The following SHC4 variants were observed in gnomAD, a reference collection of about 807,000 sequenced individuals.
SHC4 encodes the protein SHC adaptor protein 4.
Under a neutral mutation model 69.4 loss-of-function variants are expected in SHC4, and 41 were observed. That is an observed-to-expected ratio of 0.59 (90% CI 0.46 to 0.77). The LOEUF (loss-of-function observed/expected upper bound fraction) is 0.77. SHC4 is among the 30% of genes least tolerant of loss of function. SHC4 has a pLI of 0.00. For missense variants in SHC4, 777 were observed against 783.8 expected (o/e 0.99, Z 0.10); for synonymous variants, 318 against 299.3 (o/e 1.06, Z -0.64).
chr15:48,961,423 A>C (rs1901544495), intron 1 of SHC4, among the ~76,000 whole-genome samples: 1 of 152,034 alleles, frequency 6.6e-6, no homozygotes, highest in African/African-American at 2.4e-5. Flanking sequence ...TCAGTCACCC[A>C]CTATTCTCCA....
Position 48,915,791 on chromosome 15 carries a change from A to G in SHC4, c.656+9088T>C, listed in dbSNP as rs1173021126. Among the ~76,000 whole-genome samples the G allele has an allele frequency of 5.9e-5, 9 of 152,218 alleles. No individual in the cohort carries two copies. The East Asian group carries it at 1.5e-3, about 26-fold the overall frequency. ...GCTACAGTGCTTGTTTTCAATCCTT[A>G]GTATAATCACTATAAATTAGAACTT... is the stretch of plus-strand genomic sequence containing the variant. On this transcript the variant is annotated intron_variant, in intron 2 of 11. Transcript: ENST00000332408.
intron 1 of SHC4, among the ~76,000 whole-genome samples, chr15:48,939,802 G>T (rs1901141367): frequency 6.6e-6 from 1 of 152,234 alleles, no homozygotes; most frequent in Non-Finnish European, 1.5e-5. Context: ...AAATGAGATG[G>T]AAGAGCAGTG....
intron 4 of SHC4, chr15:48,878,379 C>A (rs757605087): frequency 2.5e-6 from 4 of 1,612,524 alleles, no homozygotes; most frequent in Non-Finnish European, 8.5e-7. Context: ...CCAATGGCGG[C>A]GCCAGAGGGG....
intron 1 of SHC4, among the ~76,000 whole-genome samples, chr15:48,936,580 T>C (rs1901074990): frequency 6.6e-6 from 1 of 152,198 alleles, no homozygotes; most frequent in Admixed American, 6.5e-5. Context: ...CCCCTTTGCC[T>C]TCCACCATGA....
rs1309470484 is a variant in SHC4, at chr15:48,962,708, C to CA, written c.307_308insT (p.Ser103MetfsTer37). The CA allele has an allele frequency of 6.2e-7, 1 of 1,614,120 alleles. No homozygotes were observed. Among genetic ancestry groups the CA allele is most frequent in the Middle Eastern group, 1.6e-4 (1 of 6,062 alleles). ...GGTACCCAGGCAAAAGTTTTTCAGA[C>CA]TCAGCAAAGTGGCCGGGTTGGCCAG... On this transcript the variant is annotated frameshift_variant, in exon 1 of 12. Transcript: ENST00000332408. LOFTEE classifies it high-confidence loss of function.
At chr15:48,954,628 G>A (rs543292612) in intron 1 of SHC4, among the ~76,000 whole-genome samples, 66 of 152,368 alleles carry the variant, frequency 4.3e-4, no homozygotes, top group African/African-American at 1.3e-3. Context: ...GAAGAAGGCA[G>A]GCAGGCCCTC....
At chr15:48,833,216 G>A (rs1595725214) in intron 11 of SHC4, among the ~76,000 whole-genome samples, 1 of 152,108 alleles carries the variant, frequency 6.6e-6, no homozygotes, top group African/African-American at 2.4e-5. Context: ...GATTCTGGGG[G>A]TCTCCAAAAC....
At chr15:48,950,710 G>A (rs1459511699) in intron 1 of SHC4, among the ~76,000 whole-genome samples, 1 of 152,140 alleles carries the variant, frequency 6.6e-6, no homozygotes, top group Admixed American at 6.6e-5. Context: ...CAGAGTGAGT[G>A]GTCTAGAATG....
chr15:48,843,577 G>C lies in SHC4; in HGVS notation c.1315C>G (p.Pro439Ala). ...EQSRAIGNVHPRGVQSQRDTS... is the reference protein window; with the variant it reads ...EQSRAIGNVHARGVQSQRDTS... ...TCTCGCTGGGACTGCACCCCTCTTGGATGGACATTACCTGTAGTGATTAGT... is the reference window on the plus strand; with the variant it reads ...TCTCGCTGGGACTGCACCCCTCTTGCATGGACATTACCTGTAGTGATTAGT... Residue 439 changes from proline to alanine, a missense_variant, in exon 10 of 12, where the codon CCA (proline) becomes GCA (alanine). Pro to Ala is a conservative substitution (Grantham distance 27). Transcript: ENST00000332408. The C allele has an allele frequency of 6.2e-7, 1 of 1,613,888 alleles. No individual in the cohort carries two copies. Among genetic ancestry groups the C allele is most frequent in the Non-Finnish European group, 8.5e-7 (1 of 1,179,824 alleles).
intron 1 of SHC4, among the ~76,000 whole-genome samples, chr15:48,958,218 C>T (rs2141043069): frequency 6.6e-6 from 1 of 152,312 alleles, no homozygotes; most frequent in Non-Finnish European, 1.5e-5. Flanking sequence ...AAGGCAAGTT[C>T]CATGGGCTGG....
At chr15:48,951,526 GGTACTATACAACCTT>G (rs1395271980) in intron 1 of SHC4, among the ~76,000 whole-genome samples, 2 of 151,894 alleles carry the variant, frequency 1.3e-5, no homozygotes, top group Non-Finnish European at 2.9e-5. Context: ...CAGCTTTTCA[GGTACTATACAACCTT>G]GTTGTATCAG....
chr15:48,953,332 T>C (rs1288135136), intron 1 of SHC4, among the ~76,000 whole-genome samples: 3 of 152,080 alleles, frequency 2.0e-5, no homozygotes, highest in African/African-American at 7.2e-5. Flanking sequence ...GCTTAATACC[T>C]GAGTGATGAA....
At chr15:48,901,231 C>T (rs756396043) in intron 2 of SHC4, among the ~76,000 whole-genome samples, 1 of 152,198 alleles carries the variant, frequency 6.6e-6, no homozygotes, top group Non-Finnish European at 1.5e-5. Flanking sequence ...TGTTCTCTGA[C>T]TCTTGCTCTA....
intron 3 of SHC4, among the ~76,000 whole-genome samples, chr15:48,884,618 G>C (rs1172003511): frequency 1.3e-5 from 2 of 152,044 alleles, no homozygotes; most frequent in Non-Finnish European, 2.9e-5. Context: ...TCCTCCCCAG[G>C]TGCTGGGAGT....
chr15:48,830,361 C>T (rs1447366779), intron 11 of SHC4, among the ~76,000 whole-genome samples: 1 of 152,188 alleles, frequency 6.6e-6, no homozygotes, highest in Non-Finnish European at 1.5e-5. Context: ...TCACCAATTA[C>T]ATTTTTAAAT....
chr15:48,839,096 A>T (rs892262299), intron 10 of SHC4, among the ~76,000 whole-genome samples: 12 of 152,172 alleles, frequency 7.9e-5, no homozygotes, highest in African/African-American at 2.7e-4. Context: ...AAATTAATAA[A>T]CCTAAAAGAG....
chr15:48,853,676 A>G (rs752110440), intron 8 of SHC4, among the ~76,000 whole-genome samples: 1 of 152,216 alleles, frequency 6.6e-6, no homozygotes, highest in African/African-American at 2.4e-5. Flanking sequence ...GAACCCAGAA[A>G]TAAAGCTGCA....
intron 11 of SHC4, among the ~76,000 whole-genome samples, chr15:48,832,859 C>G (rs1256861386): frequency 6.6e-6 from 1 of 151,940 alleles, no homozygotes; most frequent in Non-Finnish European, 1.5e-5. Flanking sequence ...CTTTTCAGTT[C>G]AGTTATTGTA....
chr15:48,884,196 C>G (rs1010321559), intron 4 of SHC4, 52 bp downstream of exon 4: 2 of 1,532,542 alleles, frequency 1.3e-6, no homozygotes, highest in African/African-American at 2.8e-5. Context: ...TATCCCCACG[C>G]TTCTCTGAAA....
Sources: allele counts gnomAD v4.1 joint callset (sites outside exome capture counted in the v4.1 genomes callset), GRCh38; gene constraint gnomAD v4.1.1; transcripts MANE v1.5; gene names NCBI Gene and HGNC (gene_info 2026-07-23, HGNC 2026-07-21).